CCNY: variants seen among roughly 807,000 people sequenced by gnomAD.
The protein encoded by CCNY is cyclin Y.
A neutral mutation model predicts 42.8 loss-of-function variants in CCNY; 19 were observed. The observed-to-expected ratio is 0.44, with a 90% CI of 0.31 to 0.65. The LOEUF is 0.65. Ranked by LOEUF, CCNY falls within the 30% of genes least tolerant of loss-of-function variation. The pLI is 0.07. For synonymous variants in CCNY, 165 were observed against 162.7 expected, an observed-to-expected ratio of 1.01 and a Z score of -0.11; for missense variants, 370 against 437.3, an observed-to-expected ratio of 0.85 and a Z score of 1.37.
chr10:35,479,303 A>G (rs1266230120), intron 1 of CCNY, among the ~76,000 whole-genome samples: 1 of 151,642 alleles, frequency 6.6e-6, no homozygotes, highest in Non-Finnish European at 1.5e-5. Flanking sequence ...AGGCACATGC[A>G]CACGTATGTT....
chr10:35,262,992 A>C (rs2095721287), intron 3 of CCNY, among the ~76,000 whole-genome samples: 1 of 151,836 alleles, frequency 6.6e-6, no homozygotes. Context: ...CCAAGGCAGG[A>C]GGATCACTTG....
At chr10:35,299,589 T>C (rs1022598127) in intron 3 of CCNY, among the ~76,000 whole-genome samples, 2 of 152,248 alleles carry the variant, frequency 1.3e-5, no homozygotes, top group South Asian at 2.1e-4. Context: ...TCAATCCACC[T>C]TTCTTATGTC....
At chr10:35,443,775 G>A (rs1838726534) in intron 1 of CCNY, among the ~76,000 whole-genome samples, 2 of 152,186 alleles carry the variant, frequency 1.3e-5, no homozygotes, top group African/African-American at 4.8e-5. Context: ...AAAGCATTAG[G>A]TCATAGCCTG....
chr10:35,332,247 G>T (rs1275767935), upstream of CCNY: 1 of 152,172 alleles, frequency 6.6e-6, no homozygotes, highest in African/African-American at 2.4e-5. Context: ...AGGTGAAAGG[G>T]CAGCCATACT....
intron 1 of CCNY, among the ~76,000 whole-genome samples, chr10:35,440,010 C>T (rs1838630958): frequency 6.6e-6 from 1 of 151,862 alleles, no homozygotes; most frequent in Admixed American, 6.6e-5. Context: ...CCTACTTGGC[C>T]TTCTTGGACC....
chr10:35,380,443 A>G (rs1837157431), intron 1 of CCNY, among the ~76,000 whole-genome samples: 1 of 152,192 alleles, frequency 6.6e-6, no homozygotes, highest in Non-Finnish European at 1.5e-5. Flanking sequence ...GGAGGTGATT[A>G]TTTCTCTTAC....
At chr10:35,337,395 C>T (rs1017721624) in intron 1 of CCNY, among the ~76,000 whole-genome samples, 188 bp downstream of exon 1, 1 of 152,196 alleles carries the variant, frequency 6.6e-6, no homozygotes, top group Admixed American at 6.5e-5. Flanking sequence ...CTGGTTACCC[C>T]CAAGTGAGCG....
chr10:35,408,344 A>T (rs12243667), intron 1 of CCNY, among the ~76,000 whole-genome samples: 3,979 of 152,314 alleles, frequency 0.026, 78 homozygotes, highest in African/African-American at 0.049. Context: ...TGTGTGAGCA[A>T]CAAGGCTGTT....
At chr10:35,531,549 G>A (rs1840771278) in intron 7 of CCNY, among the ~76,000 whole-genome samples, 1 of 152,234 alleles carries the variant, frequency 6.6e-6, no homozygotes, top group Non-Finnish European at 1.5e-5. Flanking sequence ...GTTCCTCAAA[G>A]GGATTTTAAG....
At chr10:35,325,923 A>T (rs1835875087) in intron 3 of CCNY, among the ~76,000 whole-genome samples, 1 of 152,080 alleles carries the variant, frequency 6.6e-6, no homozygotes, top group East Asian at 1.9e-4. Flanking sequence ...TTAAAAAAAA[A>T]TTAGCTGGGC....
chr10:35,406,192 T>TTC (rs1837758258), intron 1 of CCNY, among the ~76,000 whole-genome samples: 1 of 145,292 alleles, frequency 6.9e-6, no homozygotes, highest in South Asian at 2.1e-4. Flanking sequence ...TTTTTTTTTT[T>TTC]CTTTTTTATT....
At chr10:35,425,761 T>C (rs1838251610) in intron 1 of CCNY, among the ~76,000 whole-genome samples, 1 of 152,206 alleles carries the variant, frequency 6.6e-6, no homozygotes, top group African/African-American at 2.4e-5. Flanking sequence ...GACTTTCTGC[T>C]TTCTAACTTT....
chr10:35,271,663 A>T (rs933957014), intron 3 of CCNY, among the ~76,000 whole-genome samples: 1 of 152,148 alleles, frequency 6.6e-6, no homozygotes, highest in African/African-American at 2.4e-5. Flanking sequence ...CACCTCCACC[A>T]TCTGTCTTTG....
At chr10:35,400,423 G>A (rs1837618349) in intron 1 of CCNY, among the ~76,000 whole-genome samples, 1 of 152,150 alleles carries the variant, frequency 6.6e-6, no homozygotes, top group Non-Finnish European at 1.5e-5. Context: ...AAGAGGGAGA[G>A]AAGATGCTTC....
Position 35,569,164 on chromosome 10 carries a change from C to T in CCNY, c.1020C>T (p.Ile340=), listed in dbSNP as rs746808809. ...LTLPRWSPAI[I]S ...TGCCCCGGTGGTCCCCAGCCATCAT[C>T]TCTTAACTACGGAGGCCCGCCGGAG... Residue 340 remains isoleucine, a synonymous_variant, in exon 10 of 10, where the codon ATC becomes ATT. Transcript: ENST00000374704. 6 of 1,600,380 alleles carry T rather than the reference C, an allele frequency of 3.7e-6. No individual in the cohort carries two copies. The highest frequency in any genetic ancestry group is 2.2e-5 in the East Asian group (1 of 44,802).
chr10:35,370,336 A>G (rs1836903483), intron 1 of CCNY, among the ~76,000 whole-genome samples: 1 of 151,956 alleles, frequency 6.6e-6, no homozygotes, highest in Non-Finnish European at 1.5e-5. Context: ...TATTTTTAGT[A>G]GAGACGGGGT....
intron 1 of CCNY, among the ~76,000 whole-genome samples, chr10:35,408,825 T>C (rs966872157): frequency 6.6e-6 from 1 of 152,096 alleles, no homozygotes; most frequent in African/African-American, 2.4e-5. Context: ...TACTGGAGAA[T>C]GTTGAAGATG....
intron 3 of CCNY, among the ~76,000 whole-genome samples, chr10:35,506,077 C>T (rs1840208024): frequency 6.6e-6 from 1 of 152,190 alleles, no homozygotes; most frequent in Non-Finnish European, 1.5e-5. Flanking sequence ...CATTTTAAAT[C>T]TTGCTTTTGC....
At chr10:35,266,621 T>G (rs1051361002) in intron 3 of CCNY, among the ~76,000 whole-genome samples, 16 of 152,162 alleles carry the variant, frequency 1.1e-4, no homozygotes, top group African/African-American at 3.9e-4. Flanking sequence ...ACAAGAGCCC[T>G]AATGCAATGT....
Sources: allele counts gnomAD v4.1 joint callset (sites outside exome capture counted in the v4.1 genomes callset), GRCh38; gene constraint gnomAD v4.1.1; transcripts MANE v1.5; gene names NCBI Gene and HGNC (gene_info 2026-07-23, HGNC 2026-07-21).